The following FAM240C variants were observed in gnomAD, a reference collection of about 807,000 sequenced individuals.
FAM240C encodes protein FAM240C.
In FAM240C, 14 loss-of-function variants were observed where a neutral mutation model predicts 10.0. That is an observed-to-expected ratio of 1.40 (90% CI 0.92 to 2.19). The LOEUF (loss-of-function observed/expected upper bound fraction) is 2.19. Ranked by LOEUF, FAM240C falls within the 30% of genes most tolerant of loss-of-function variation. The pLI is 0.00. For synonymous variants in FAM240C, 49 were observed against 44.3 expected (o/e 1.11, Z -0.42); for missense variants, 154 against 122.3 (o/e 1.26, Z -1.22).
Position 241,896,128 on chromosome 2 carries a change from C to T in FAM240C, c.161+1058G>A, listed in dbSNP as rs548551520. Among the ~76,000 whole-genome samples the T allele has an allele frequency of 2.0e-5, 3 of 152,246 alleles. No homozygotes were observed. In the East Asian group the frequency reaches 5.8e-4, roughly 29 times the overall value. ...GAAGGGGTACCACGGCTCTCTTGCT[C>T]GGGGCCTGAGCACCGAGGGCTGCCT... On this transcript the variant is annotated intron_variant, in intron 2 of 2. Transcript: ENST00000404031.
rs757318387 is a variant in FAM240C, at chr2:241,900,399, C to G, written c.-30G>C. On this transcript the variant is annotated 5_prime_UTR_variant, in exon 1 of 3. Coordinates refer to ENST00000404031, the MANE Select transcript of FAM240C (RefSeq NM_001382368.1). This position sits in a 1 kb window ranked among gnomAD's most constrained non-coding sequence, Gnocchi z 4.5. ...CAGTGACGGGCAGGTTTTCCTGTCT[C>G]TGTTGAGGGTCCTCAGCCTGTCCTC... is the stretch of plus-strand genomic sequence containing the variant. 1 of 717,066 alleles carries G rather than the reference C, an allele frequency of 1.4e-6. No homozygotes were observed. Among genetic ancestry groups the G allele is most frequent in the Non-Finnish European group, 2.6e-6 (1 of 385,054 alleles). 44.4% of individuals were successfully genotyped at this position (717,066 alleles called of 1,614,324 possible).
intron 1 of FAM240C, chr2:241,899,156 G>A: frequency 1.5e-6 from 2 of 1,304,240 alleles, no homozygotes; most frequent in South Asian, 2.5e-5. Flanking sequence ...CTGGAGCTCG[G>A]CTCAGGTTGC....
intron 2 of FAM240C, among the ~76,000 whole-genome samples, chr2:241,896,004 G>A (rs1327904956): frequency 1.3e-5 from 2 of 152,240 alleles, no homozygotes; most frequent in East Asian, 3.9e-4. Context: ...CCGAGTGCCT[G>A]CGTGGTGCTG....
chr2:241,894,381 C>A, intron 2 of FAM240C, 42 bp from the exon 3 acceptor site: 1 of 1,520,228 alleles, frequency 6.6e-7, no homozygotes, highest in Non-Finnish European at 8.8e-7. Flanking sequence ...GTCAAGCTCT[C>A]GGAACTTAGT....
Position 241,900,397 on chromosome 2 carries a change from C to T in FAM240C, c.-28G>A. ...CTCAGTGACGGGCAGGTTTTCCTGT[C>T]TCTGTTGAGGGTCCTCAGCCTGTCC... On this transcript the variant is annotated 5_prime_UTR_variant, in exon 1 of 3. Coordinates refer to ENST00000404031, the MANE Select transcript of FAM240C (RefSeq NM_001382368.1). This position sits in a 1 kb window ranked among gnomAD's most constrained non-coding sequence, Gnocchi z 4.5. 1 of 717,218 alleles carries T rather than the reference C, an allele frequency of 1.4e-6. No homozygotes were observed. The highest frequency in any genetic ancestry group is 1.5e-5 in the South Asian group (1 of 67,586). The allele number at this position is 717,218 out of a possible 1,614,324, so 44.4% of individuals were successfully genotyped here.
At position 241,894,396 on chromosome 2, in the gene FAM240C, G is replaced by A. The variant is rs1701736780; in HGVS notation, c.162-57C>T. ...GTCAAGCTCTCGGAACTTAGTGACG[G>A]CCAAGCCCGTGTCTCTCAGCACCTG... On this transcript the variant is annotated intron_variant, in intron 2 of 2. Coordinates refer to ENST00000404031, the MANE Select transcript of FAM240C (RefSeq NM_001382368.1). 4 of 1,504,370 alleles carry A rather than the reference G, an allele frequency of 2.7e-6. No homozygotes were observed. The Admixed American group carries it at 6.0e-5, about 23-fold the overall frequency. The allele number at this position is 1,504,370 out of a possible 1,614,324, so 93.2% of individuals were successfully genotyped here. A position where few individuals can be genotyped will look rare whatever the true frequency, so the allele number is the denominator to read the frequency against.
intron 2 of FAM240C, among the ~76,000 whole-genome samples, chr2:241,894,946 G>C (rs1701757500): frequency 1.3e-5 from 2 of 152,252 alleles, no homozygotes; most frequent in Non-Finnish European, 2.9e-5. Flanking sequence ...GGCCTGGTCA[G>C]AGTGGTCCAG....
chr2:241,895,335 C>T (rs7423542), intron 2 of FAM240C, among the ~76,000 whole-genome samples: 8,105 of 152,330 alleles, frequency 0.053, 1,035 homozygotes, highest in East Asian at 0.48. Flanking sequence ...GAGTCCTCGG[C>T]CCTCACAGCC....
upstream of FAM240C, among the ~76,000 whole-genome samples, chr2:241,900,879 C>T (rs1017376478): frequency 4.6e-5 from 7 of 152,076 alleles, no homozygotes; most frequent in African/African-American, 1.7e-4. This position sits in a 1 kb window ranked among gnomAD's most constrained non-coding sequence, Gnocchi z 4.5. Context: ...CATGGGTTTA[C>T]GTATTTATTG....
chr2:241,894,229 T>A lies in FAM240C; in HGVS notation c.272A>T (p.Asp91Val). The A allele has an allele frequency of 6.5e-7, 1 of 1,549,726 alleles. No homozygotes were observed. ...CGTGGGCCCTCAGGCCGCCTTCTTG[T>A]CCTTGGTGTGGAGGGACTCAGTGGC... ...PEATESLHTKDKKAA is the reference protein window; with the variant it reads ...PEATESLHTKVKKAA The change falls in exon 3 of 3, where the codon GAC (aspartate) becomes GTC (valine). Residue 91 changes from aspartate to valine, a missense_variant. By Grantham distance (152) the Asp-to-Val change is radical. Transcript: ENST00000404031.
chr2:241,900,988 G>A (rs997718162), upstream of FAM240C, among the ~76,000 whole-genome samples: 1 of 152,094 alleles, frequency 6.6e-6, no homozygotes. The surrounding 1 kb of genome is among the most constrained non-coding windows in gnomAD (Gnocchi z 4.5). Context: ...CGACTCTGAG[G>A]GAGGTTGGTG....
rs778174948 is a variant in FAM240C at position 241,897,224 on chromosome 2, C to T, written c.123G>A (p.Gln41=). 1.9e-6 allele frequency: 3 copies of T among 1,550,000 alleles called. No homozygotes were observed. The highest frequency in any genetic ancestry group is 1.2e-5 in the South Asian group (1 of 84,068). ...TTCTGCGAACCCTGATGTCCTCGTT[C>T]TGCAGGTGTCTTGCGTGATGCTCGA... ...KKIEHHARHL[Q]NEDIRVRRSA... Residue 41 remains glutamine, a synonymous_variant, in exon 2 of 3, where the codon CAG becomes CAA. Coordinates refer to ENST00000404031, the MANE Select transcript of FAM240C (RefSeq NM_001382368.1).
chr2:241,894,461 G>T, intron 2 of FAM240C, 122 bp from the exon 3 acceptor site: 1 of 1,153,674 alleles, frequency 8.7e-7, no homozygotes, highest in Non-Finnish European at 1.2e-6. Context: ...CCCTGCCAGG[G>T]GTGGGGGTGT....
At position 241,894,334 on chromosome 2, in the gene FAM240C, CG is replaced by C; in HGVS notation, c.166del (p.Arg56AlafsTer50). The C allele has an allele frequency of 6.5e-7, 1 of 1,545,174 alleles. No homozygotes were observed. Among genetic ancestry groups the C allele is most frequent in the Non-Finnish European group, 8.7e-7 (1 of 1,144,698 alleles). On this transcript the variant is annotated frameshift_variant, in exon 3 of 3. Transcript: ENST00000404031. LOFTEE classifies it high-confidence loss of function. ...RVRRSALNKL[R>X]VGWAEQLEGR... The stretch of plus-strand genomic sequence containing the variant: ...CTCCAGCTGCTCAGCCCATCCCACG[CG>C]GAGCCTGGGGCAGGGCGATAATTTC...
At chr2:241,899,230 C>A (rs1701926128) in intron 1 of FAM240C, 8 of 1,303,428 alleles carry the variant, frequency 6.1e-6, no homozygotes, top group Non-Finnish European at 8.1e-6. Context: ...GGGCTTCCAG[C>A]TGCAGAGGCG....
Position 241,897,301 on chromosome 2 carries a change from C to T in FAM240C, c.46G>A (p.Gly16Arg). The T allele has an allele frequency of 6.5e-7, 1 of 1,549,762 alleles. No homozygotes were observed. The highest frequency in any genetic ancestry group is 1.2e-5 in the South Asian group (1 of 84,070). The change falls in exon 2 of 3, where the codon GGA becomes AGA. Residue 16 changes from glycine (G) to arginine (R), a missense_variant. Gly to Arg is a moderately radical substitution (Grantham distance 125). Coordinates refer to ENST00000404031, the MANE Select transcript of FAM240C (RefSeq NM_001382368.1). ...CCGCCTGAATCGTATGCTACTCTTC[C>T]AGGATTCTTAAGAGTGAGGCTTTTA... is the stretch of plus-strand genomic sequence containing the variant. ...MSKSLTLKNP[G>R]RVAYDSGGIK... is the part of the protein sequence containing the mutation.
intron 2 of FAM240C, among the ~76,000 whole-genome samples, chr2:241,896,202 A>G (rs1701797858): frequency 6.6e-6 from 1 of 152,092 alleles, no homozygotes; most frequent in Admixed American, 6.5e-5. Flanking sequence ...CTTGCAGCAA[A>G]TGAGCTCTGC....
At chr2:241,898,145 A>C (rs12993969) in intron 1 of FAM240C, among the ~76,000 whole-genome samples, 45,169 of 152,174 alleles carry the variant, frequency 0.3, 8,362 homozygotes, top group Non-Finnish European at 0.41. Flanking sequence ...CAGCTCTGCT[A>C]TTTGATGTAA....
chr2:241,899,400 C>T (rs1478023848), intron 1 of FAM240C: 4 of 927,386 alleles, frequency 4.3e-6, no homozygotes, highest in African/African-American at 3.6e-5. Context: ...AACTCAGCCA[C>T]GCCTGCCTGT....
Sources: gnomAD v4.1 joint callset for allele counts (sites outside exome capture counted in the v4.1 genomes callset) on GRCh38, gnomAD v4.1.1 for gene constraint, Gnocchi (gnomAD v3.1) non-coding constraint, MANE v1.5 for transcripts, NCBI Gene and HGNC (gene_info 2026-07-23, HGNC 2026-07-21) for gene names.